The following MGMT variants were observed in gnomAD, a reference collection of about 807,000 sequenced individuals.
The protein encoded by MGMT is O-6-methylguanine-DNA methyltransferase.
MGMT carries 14 observed loss-of-function variants against 15.9 expected under a neutral mutation model. That is an observed-to-expected ratio of 0.88 (90% CI 0.58 to 1.37). The LOEUF (loss-of-function observed/expected upper bound fraction) is 1.37. MGMT is among the 40% of genes most tolerant of loss of function. The probability of loss-of-function intolerance (pLI) is 0.00; values close to 1 mark genes in which losing one functional copy is unlikely to be tolerated. For synonymous variants in MGMT, 130 were observed against 118.2 expected, an observed-to-expected ratio of 1.10 and a Z score of -0.65; for missense variants, 282 against 268.1, an observed-to-expected ratio of 1.05 and a Z score of -0.36.
rs899497775 is a variant in MGMT at position 129,556,632 on chromosome 10, G to A, written c.125+20255G>A. 6.6e-6 allele frequency among the ~76,000 whole-genome samples: 1 copy of A among 152,176 alleles called. No homozygotes were observed. ...AACGTCCTGCTGTAGAAGAGGCGCC[G>A]CCATCCCAGACAGTGTTCATAAACA... On this transcript the variant is annotated intron_variant, in intron 2 of 4. Transcript: ENST00000651593. This position sits in a 1 kb window ranked among gnomAD's most constrained non-coding sequence, Gnocchi z 4.3.
At position 129,643,022 on chromosome 10, in the gene MGMT, T is replaced by C. The variant is rs370592822; in HGVS notation, c.126-64873T>C. 1.9e-4 allele frequency among the ~76,000 whole-genome samples: 29 copies of C among 152,148 alleles called. No homozygotes were observed. The East Asian group carries it at 4.8e-3, about 25-fold the overall frequency. ...ATGTAGAGAAGGCTGGGCGAGCGAA[T>C]GTGTAGTGGTTTCTGCGGCTCCATT... is the stretch of plus-strand genomic sequence containing the variant. On this transcript the variant is annotated intron_variant, in intron 2 of 4. Coordinates refer to ENST00000651593, the MANE Select transcript of MGMT (RefSeq NM_002412.5).
intron 2 of MGMT, among the ~76,000 whole-genome samples, chr10:129,561,536 A>G (rs150743564): frequency 1.2e-4 from 19 of 152,348 alleles, no homozygotes; most frequent in African/African-American, 4.1e-4. Flanking sequence ...ACACCTTCCC[A>G]TTCTAACGAT....
At chr10:129,521,775 C>T (rs191724646) in intron 1 of MGMT, among the ~76,000 whole-genome samples, 23 of 152,326 alleles carry the variant, frequency 1.5e-4, no homozygotes, top group African/African-American at 4.8e-4. Context: ...CCCACGAGGC[C>T]GAGGCTGCAC....
chr10:129,606,381 C>T (rs1317390421), intron 2 of MGMT, among the ~76,000 whole-genome samples: 3 of 152,152 alleles, frequency 2.0e-5, no homozygotes, highest in Non-Finnish European at 4.4e-5. Flanking sequence ...AGAAGACTCC[C>T]TGTCTTCGTT....
At chr10:129,479,026 G>T (rs1425858015) in intron 1 of MGMT, among the ~76,000 whole-genome samples, 1 of 152,220 alleles carries the variant, frequency 6.6e-6, no homozygotes, top group African/African-American at 2.4e-5. Flanking sequence ...GGTTTGGTCT[G>T]TAGTTGGGCG....
At chr10:129,691,760 G>T (rs1240822872) in intron 2 of MGMT, among the ~76,000 whole-genome samples, 1 of 152,158 alleles carries the variant, frequency 6.6e-6, no homozygotes, top group East Asian at 1.9e-4. Context: ...TCCTGGGCTG[G>T]ATCCTGCAGG....
intron 3 of MGMT, among the ~76,000 whole-genome samples, chr10:129,756,655 A>G (rs1367084166): frequency 6.6e-6 from 1 of 152,114 alleles, no homozygotes; most frequent in Non-Finnish European, 1.5e-5. Flanking sequence ...TTTTTAGTAG[A>G]GATGGGGTTT....
intron 2 of MGMT, among the ~76,000 whole-genome samples, chr10:129,575,435 C>G (rs529332319): frequency 3.7e-4 from 55 of 150,390 alleles, no homozygotes; most frequent in Non-Finnish European, 5.0e-4. Flanking sequence ...TGAATGACTA[C>G]TGGGTACATA....
intron 1 of MGMT, among the ~76,000 whole-genome samples, chr10:129,534,964 C>CG (rs1845969749): frequency 6.6e-6 from 1 of 152,160 alleles, no homozygotes; most frequent in African/African-American, 2.4e-5. Flanking sequence ...CACTGTAGCA[C>CG]GGAAGCAGCA....
intron 1 of MGMT, among the ~76,000 whole-genome samples, chr10:129,483,867 G>C (rs1242365316): frequency 1.3e-5 from 2 of 151,988 alleles, no homozygotes; most frequent in African/African-American, 4.8e-5. Context: ...TGCATAGATA[G>C]ATAGGTAGAT....
intron 3 of MGMT, among the ~76,000 whole-genome samples, chr10:129,724,760 A>G (rs920185667): frequency 1.3e-5 from 2 of 152,228 alleles, no homozygotes; most frequent in Non-Finnish European, 2.9e-5. Flanking sequence ...GTATAAAGCT[A>G]TTCATTGTAA....
At chr10:129,497,296 A>G (rs1187994286) in intron 1 of MGMT, among the ~76,000 whole-genome samples, 1 of 152,162 alleles carries the variant, frequency 6.6e-6, no homozygotes, top group Non-Finnish European at 1.5e-5. Flanking sequence ...GGCGGTGCAC[A>G]GCTCTGTGCC....
intron 2 of MGMT, among the ~76,000 whole-genome samples, chr10:129,640,745 A>G (rs1240144977): frequency 2.0e-5 from 3 of 152,200 alleles, no homozygotes; most frequent in Admixed American, 6.5e-5. Context: ...AAACCAGGAA[A>G]TATATAAAGG....
At chr10:129,704,804 C>T (rs979322413) in intron 2 of MGMT, among the ~76,000 whole-genome samples, 7 of 151,860 alleles carry the variant, frequency 4.6e-5, no homozygotes, top group African/African-American at 1.7e-4. Context: ...ACCCGAGGAT[C>T]TCGGCAGAGA....
chr10:129,729,953 T>G (rs913720679), intron 3 of MGMT, among the ~76,000 whole-genome samples: 3 of 152,164 alleles, frequency 2.0e-5, no homozygotes, highest in African/African-American at 7.2e-5. Context: ...GGTGTTGATA[T>G]GAGGTGTCTG....
At chr10:129,599,275 C>T (rs927639650) in intron 2 of MGMT, among the ~76,000 whole-genome samples, 1 of 152,166 alleles carries the variant, frequency 6.6e-6, no homozygotes, top group Non-Finnish European at 1.5e-5. Context: ...TATACCTCCA[C>T]TTGTTATAGT....
intron 1 of MGMT, among the ~76,000 whole-genome samples, chr10:129,518,429 G>A (rs1845764947): frequency 7.5e-6 from 1 of 134,130 alleles, no homozygotes; most frequent in African/African-American, 2.8e-5. Context: ...ACACTTAGAT[G>A]TTCTTCTACC....
chr10:129,642,048 C>A (rs1847333051), intron 2 of MGMT, among the ~76,000 whole-genome samples: 1 of 152,128 alleles, frequency 6.6e-6, no homozygotes, highest in African/African-American at 2.4e-5. Flanking sequence ...AAGAATAGTA[C>A]CTTCAACAGA....
chr10:129,532,626 A>G lies in MGMT; in HGVS notation c.-12-3615A>G, dbSNP rs1363758152. Among the ~76,000 whole-genome samples the G allele has an allele frequency of 6.6e-6, 1 of 151,338 alleles. No homozygotes were observed. The highest frequency in any genetic ancestry group is 1.5e-5 in the Non-Finnish European group (1 of 67,900). ...TTTCTCCCTGGCCCTGTCTCTGCAC[A>G]CTCCAATGTCTTCCCCTTTGGCTGA... On this transcript the variant is annotated intron_variant, in intron 1 of 4. Coordinates refer to ENST00000651593, the MANE Select transcript of MGMT (RefSeq NM_002412.5). The surrounding 1 kb of genome is among the most constrained non-coding windows in gnomAD (Gnocchi z 5.3).
Sources: allele counts gnomAD v4.1 joint callset (sites outside exome capture counted in the v4.1 genomes callset), GRCh38; gene constraint gnomAD v4.1.1; non-coding constraint Gnocchi (gnomAD v3.1); transcripts MANE v1.5; gene names NCBI Gene and HGNC (gene_info 2026-07-23, HGNC 2026-07-21).